The following ZNF318 variants were observed in gnomAD, a reference collection of about 807,000 sequenced individuals.
The protein encoded by ZNF318 is zinc finger protein 318, also known as endocrine regulator.
In ZNF318, 51 loss-of-function variants were observed where a neutral mutation model predicts 124.2. The ratio of observed to expected loss-of-function variants is 0.41; its 90% CI spans 0.33 to 0.52. ZNF318 has a LOEUF of 0.52. Among genes scored for constraint, ZNF318 ranks in the 20% least tolerant of loss-of-function variants. ZNF318 has a pLI of 0.23. For missense variants in ZNF318, 2,815 were observed against 2,811.2 expected (o/e 1.00, Z -0.03); for synonymous variants, 1,090 against 1,040.7 (o/e 1.05, Z -0.91).
At chr6:43,348,770 A>G (rs983057957) in intron 5 of ZNF318, 145 bp from the exon 6 acceptor site, 1 of 956,806 alleles carries the variant, frequency 1.0e-6, no homozygotes, top group Non-Finnish European at 1.5e-6. Flanking sequence ...GTGGTGGCTC[A>G]TGCCTGTAAT....
At chr6:43,343,760 C>T (rs1446204439) in intron 6 of ZNF318, among the ~76,000 whole-genome samples, 1 of 139,814 alleles carries the variant, frequency 7.2e-6, no homozygotes, top group East Asian at 2.2e-4. Flanking sequence ...ACCCAGGAGG[C>T]GGAGGTTGCA....
Position 43,355,236 on chromosome 6 carries a change from C to A in ZNF318, c.2098G>T (p.Val700Leu). Residue 700 changes from valine to leucine, a missense_variant, in exon 4 of 10, where the codon GTG (valine) becomes TTG (leucine). Val to Leu is a conservative substitution (Grantham distance 32). This residue lies in a region of ZNF318 where 1,377 missense variants were observed against 1,353.5 expected (regional missense o/e 1.02). Coordinates refer to ENST00000361428, the MANE Select transcript of ZNF318 (RefSeq NM_014345.3). Reference sequence around the variant, plus strand: ...TTTTTTGTGAGCAGGTAAGGATCCACAGGAGAAGGTGGGTGTGGATGGGAC... The same window carrying A: ...TTTTTTGTGAGCAGGTAAGGATCCAAAGGAGAAGGTGGGTGTGGATGGGAC... ...EVSHPHPPSP[V>L]DPYLLTKNSP... is the part of the protein sequence containing the mutation. 6.2e-7 allele frequency: 1 copy of A among 1,614,176 alleles called. No individual in the cohort carries two copies. The highest frequency in any genetic ancestry group is 1.1e-5 in the South Asian group (1 of 91,088).
rs147804781 is a variant in ZNF318 at position 43,338,706 on chromosome 6, G to T, written c.5292C>A (p.Leu1764=). 1.2e-6 allele frequency: 2 copies of T among 1,613,916 alleles called. No individual in the cohort carries two copies. Among genetic ancestry groups the T allele is most frequent in the African/African-American group, 2.7e-5 (2 of 74,862 alleles). The change falls in exon 10 of 10, where the codon CTC becomes CTA. Residue 1764 remains leucine, a synonymous_variant. Coordinates refer to ENST00000361428, the MANE Select transcript of ZNF318 (RefSeq NM_014345.3). The part of the protein sequence containing the change: ...SVNQDKESQE[L]RKSEDCRESE... The stretch of plus-strand genomic sequence containing the variant: ...TTTCTCTACAATCCTCAGATTTACG[G>T]AGCTCTTGGCTTTCCTTATCCTGGT...
rs766022224 is a variant in ZNF318 at position 43,337,654 on chromosome 6, C to T, written c.6344G>A (p.Arg2115His). Residue 2115 changes from arginine to histidine, a missense_variant, in exon 10 of 10, where the codon CGT (arginine) becomes CAT (histidine). Arg to His is a conservative substitution (Grantham distance 29). Around this residue, in one of 4 missense-constraint regions of ZNF318, gnomAD observed 927 missense variants for 820.6 expected, o/e 1.13. Transcript: ENST00000361428. ...LKTGLTENVD[R>H]GLGGLEGTHQ... ...TGTTCCCTCTAGGCCCCCCAAGCCA[C>T]GGTCAACATTTTCTGTAAGTCCAGT... is the stretch of plus-strand genomic sequence containing the variant. 18 of 1,614,118 alleles carry T rather than the reference C, an allele frequency of 1.1e-5. No individual in the cohort carries two copies. Among genetic ancestry groups the T allele is most frequent in the Middle Eastern group, 1.6e-4 (1 of 6,062 alleles).
intron 1 of ZNF318, among the ~76,000 whole-genome samples, chr6:43,368,028 T>C (rs1779784744): frequency 6.6e-6 from 1 of 151,978 alleles, no homozygotes. Flanking sequence ...CTTTCTCAAA[T>C]AATAATAATA....
chr6:43,367,538 A>T (rs976885945), intron 1 of ZNF318, among the ~76,000 whole-genome samples: 5 of 152,202 alleles, frequency 3.3e-5, no homozygotes, highest in Non-Finnish European at 5.9e-5. Flanking sequence ...CTAGAGGTAA[A>T]GCTAACGGGT....
chr6:43,352,685 G>A (rs1232895911), intron 4 of ZNF318, among the ~76,000 whole-genome samples: 2 of 144,696 alleles, frequency 1.4e-5, no homozygotes, highest in East Asian at 1.9e-4. Context: ...TGTCCAGAAA[G>A]GTTGTTTGTT....
intron 6 of ZNF318, among the ~76,000 whole-genome samples, chr6:43,347,045 G>A (rs1779457748): frequency 6.6e-6 from 1 of 152,116 alleles, no homozygotes; most frequent in Non-Finnish European, 1.5e-5. Context: ...TGTATATCAG[G>A]CAAATTTAAC....
chr6:43,351,986 C>T (rs946785502), intron 5 of ZNF318, among the ~76,000 whole-genome samples: 10 of 151,306 alleles, frequency 6.6e-5, no homozygotes, highest in East Asian at 2.0e-4. Flanking sequence ...ACTACAAATA[C>T]GAAAAAAATT....
chr6:43,357,269 A>G lies in ZNF318; in HGVS notation c.1045T>C (p.Cys349Arg), dbSNP rs769234772. Residue 349 changes from cysteine (C) to arginine (R), a missense_variant, in exon 3 of 10, where the codon TGT (cysteine) becomes CGT (arginine). By Grantham distance (180) the Cys-to-Arg change is radical. Around this residue, in one of 4 missense-constraint regions of ZNF318, gnomAD observed 1,377 missense variants for 1,353.5 expected, o/e 1.02. Transcript: ENST00000361428. ...LVGVDGGGTGCSIPGLSGVLT... is the reference protein window; with the variant it reads ...LVGVDGGGTGRSIPGLSGVLT... The stretch of plus-strand genomic sequence containing the variant: ...ACACCTGACAATCCAGGGATGGAAC[A>G]GCCAGTACCACCACCATCAACTCCA... 6.2e-7 allele frequency: 1 copy of G among 1,614,238 alleles called. No individual in the cohort carries two copies. Among genetic ancestry groups the G allele is most frequent in the Admixed American group, 1.7e-5 (1 of 60,032 alleles).
Position 43,353,809 on chromosome 6 carries a change from T to C in ZNF318, c.2670+855A>G, listed in dbSNP as rs1328923184. ...TCTTCCACTCAAAATTCTTCTATTA[T>C]GTATTCCCTATCTTGATGTAGTTTT... On this transcript the variant is annotated intron_variant, in intron 4 of 9. Transcript: ENST00000361428. Among the ~76,000 whole-genome samples the C allele has an allele frequency of 2.6e-5, 4 of 152,262 alleles. 1 individual carries two copies. The highest frequency in any genetic ancestry group is 6.3e-3 in the Middle Eastern group (2 of 316).
chr6:43,348,271 T>C (rs1411802544), intron 6 of ZNF318, 53 bp downstream of exon 6: 49 of 1,511,706 alleles, frequency 3.2e-5, no homozygotes, highest in South Asian at 2.8e-4. Flanking sequence ...TAGAAAACCA[T>C]AGGAGTCTAA....
At chr6:43,352,180 T>TCAC (rs61631098) in intron 5 of ZNF318, among the ~76,000 whole-genome samples, 197 bp downstream of exon 5, 8,401 of 143,396 alleles carry the variant, frequency 0.059, 398 homozygotes, top group Admixed American at 0.09. Flanking sequence ...ATCATCATCA[T>TCAC]CATCACCACC....
In ZNF318 at chr6:43,355,727, T is replaced by C. The variant is rs142200259; in HGVS notation, c.1607A>G (p.Lys536Arg). 2.5e-4 allele frequency: 398 copies of C among 1,614,050 alleles called. No individual in the cohort carries two copies. Among genetic ancestry groups the C allele is most frequent in the Non-Finnish European group, 3.0e-4 (356 of 1,180,024 alleles). ...CTCTTCTTCATCCCCATAGAGAAAT[T>C]TCTCCTCATCTTCAATGTCGGGAAA... ...RSFPDIEDEE[K>R]FLYGDEEEDL... The change falls in exon 4 of 10, where the codon AAA (lysine) becomes AGA (arginine). Residue 536 changes from lysine to arginine, a missense_variant. This residue lies in a region of ZNF318 where 1,377 missense variants were observed against 1,353.5 expected (regional missense o/e 1.02). Coordinates refer to ENST00000361428, the MANE Select transcript of ZNF318 (RefSeq NM_014345.3).
intron 6 of ZNF318, among the ~76,000 whole-genome samples, chr6:43,343,205 G>A (rs543028597): frequency 6.6e-6 from 1 of 152,330 alleles, no homozygotes; most frequent in Admixed American, 6.5e-5. Flanking sequence ...ACAAGGATGG[G>A]TAGGAGTCTC....
At chr6:43,352,010 G>A (rs1779531920) in intron 5 of ZNF318, among the ~76,000 whole-genome samples, 1 of 151,936 alleles carries the variant, frequency 6.6e-6, no homozygotes, top group African/African-American at 2.4e-5. Context: ...TGGGCATGGT[G>A]GCAGGTGCCT....
intron 4 of ZNF318, among the ~76,000 whole-genome samples, chr6:43,353,949 T>TC (rs1295257040): frequency 6.6e-6 from 1 of 152,062 alleles, no homozygotes; most frequent in Non-Finnish European, 1.5e-5. Context: ...AAAAATGACT[T>TC]TAGAGGCCAG....
At position 43,369,239 on chromosome 6, in the gene ZNF318, G is replaced by A. The variant is rs767744916; in HGVS notation, c.127C>T (p.Pro43Ser). The A allele has an allele frequency of 8.1e-7, 1 of 1,235,666 alleles. No homozygotes were observed. Among genetic ancestry groups the A allele is most frequent in the South Asian group, 2.9e-5 (1 of 34,032 alleles). 76.5% of individuals were successfully genotyped at this position (1,235,666 alleles called of 1,614,324 possible). ...CGCGACGAGGAGCCGGAGGGCGGAG[G>A]CGGCGGTGAGCTGCGGCGAGCCGGG... Reference protein sequence around the residue: ...SGPARRSSPPPPPSGSSSRTP... With the variant: ...SGPARRSSPPSPPSGSSSRTP... The change falls in exon 1 of 10, where the codon CCT (proline) becomes TCT (serine). Residue 43 changes from proline to serine, a missense_variant. Transcript: ENST00000361428.
chr6:43,337,461 G>A lies in ZNF318; in HGVS notation c.6537C>T (p.Thr2179=). 1 of 1,614,166 alleles carries A rather than the reference G, an allele frequency of 6.2e-7. No homozygotes were observed. Among genetic ancestry groups the A allele is most frequent in the Non-Finnish European group, 8.5e-7 (1 of 1,180,026 alleles). Reference sequence around the variant, plus strand: ...ACAGTTTATCTTTTTGAACTCCAGAGGTCCGTGTGACAAAGTCAACAAGGT... The same window carrying A: ...ACAGTTTATCTTTTTGAACTCCAGAAGTCCGTGTGACAAAGTCAACAAGGT... The part of the protein sequence containing the change: ...LPDLVDFVTR[T]SGVQKDKLCS... Residue 2179 remains threonine, a synonymous_variant, in exon 10 of 10, where the codon ACC becomes ACT. Transcript: ENST00000361428.
Sources: gnomAD v4.1 joint callset for allele counts (sites outside exome capture counted in the v4.1 genomes callset) on GRCh38, gnomAD v4.1.1 for gene constraint, gnomAD v4.1.1 regional missense constraint, MANE v1.5 for transcripts, NCBI Gene and HGNC (gene_info 2026-07-23, HGNC 2026-07-21) for gene names.